Variants in ILDR1 observed in about 807,000 individuals in gnomAD.
The protein encoded by ILDR1 is immunoglobulin-like domain-containing receptor 1.
In ILDR1, 56 loss-of-function variants were observed where a neutral mutation model predicts 62.4. That is an observed-to-expected ratio of 0.90 (90% CI 0.72 to 1.12). The LOEUF (loss-of-function observed/expected upper bound fraction) is 1.12, where lower values mean the gene tolerates loss of function less well. Ranked by LOEUF, ILDR1 falls within the 50% of genes most tolerant of loss-of-function variation. ILDR1 has a pLI of 0.00. For synonymous variants in ILDR1, 284 were observed against 277.8 expected (o/e 1.02, Z -0.22); for missense variants, 736 against 710.6 (o/e 1.04, Z -0.41).
the ILDR1 span, among the ~76,000 whole-genome samples, chr3:122,045,087 A>G: frequency 1.3e-5 from 2 of 152,112 alleles, no homozygotes; most frequent in Non-Finnish European, 2.9e-5. Flanking sequence ...ACACTGCTTT[A>G]AATGCATCCC....
the ILDR1 span, among the ~76,000 whole-genome samples, chr3:122,038,975 A>G: frequency 0.082 from 12,548 of 152,188 alleles, 604 homozygotes; most frequent in South Asian, 0.13. Flanking sequence ...ATTGCCAATT[A>G]AAAAATAAAA....
In ILDR1 at chr3:121,988,060, A is replaced by C. The variant is rs1462286273; in HGVS notation, c.*307T>G. ...CTTGAGTAGCTGGGACTACAAGTGC[A>C]TGCCACCACACCTAACTAATTTTTA... On this transcript the variant is annotated 3_prime_UTR_variant, in exon 8 of 8. Transcript: ENST00000344209. 1 of 404,620 alleles carries C rather than the reference A, an allele frequency of 2.5e-6. No individual in the cohort carries two copies. Among genetic ancestry groups the C allele is most frequent in the African/African-American group, 2.1e-5 (1 of 48,566 alleles). The allele number at this position is 404,620 out of a possible 1,614,324, so 25.1% of individuals were successfully genotyped here.
At chr3:122,001,580 C>G in intron 4 of ILDR1, 126 bp from the exon 5 acceptor site, 1 of 1,475,158 alleles carries the variant, frequency 6.8e-7, no homozygotes. Flanking sequence ...GAGCAATATA[C>G]TGGCAAAAAG....
chr3:122,048,630 A>G, the ILDR1 span, among the ~76,000 whole-genome samples: 1 of 152,118 alleles, frequency 6.6e-6, no homozygotes, highest in Non-Finnish European at 1.5e-5. Context: ...CAGATTATCT[A>G]TTTCTTTATG....
chr3:122,030,619 GTT>G, the ILDR1 span, among the ~76,000 whole-genome samples: 6 of 131,978 alleles, frequency 4.5e-5, no homozygotes, highest in Non-Finnish European at 6.5e-5. Flanking sequence ...AGAGGCAAGG[GTT>G]TTTCTCTCTC....
the ILDR1 span, chr3:122,055,299 G>T: frequency 3.4e-6 from 2 of 582,348 alleles, no homozygotes; most frequent in Non-Finnish European, 3.1e-6. Flanking sequence ...CTCAAGTGTG[G>T]TCAAAATCTG....
At chr3:122,000,496 A>G (rs1349243493) in intron 5 of ILDR1, among the ~76,000 whole-genome samples, 1 of 152,128 alleles carries the variant, frequency 6.6e-6, no homozygotes, top group Non-Finnish European at 1.5e-5. Flanking sequence ...GCTCCCACAT[A>G]CCTTGCTCTA....
At chr3:122,029,458 G>T in the ILDR1 span, among the ~76,000 whole-genome samples, 2 of 150,778 alleles carry the variant, frequency 1.3e-5, no homozygotes, top group Admixed American at 6.6e-5. Flanking sequence ...AGTGAGCCGA[G>T]ATCCAGCCAC....
intron 1 of ILDR1, among the ~76,000 whole-genome samples, chr3:122,016,030 C>T (rs2107676477): frequency 6.6e-6 from 1 of 152,336 alleles, no homozygotes; most frequent in East Asian, 1.9e-4. Flanking sequence ...CCTACCATGA[C>T]CCATGCAGCC....
intron 5 of ILDR1, among the ~76,000 whole-genome samples, chr3:121,995,765 C>A (rs1216262729): frequency 6.6e-6 from 1 of 152,170 alleles, no homozygotes; most frequent in Non-Finnish European, 1.5e-5. Flanking sequence ...AATGCCCAGC[C>A]TTATACATGT....
the ILDR1 span, among the ~76,000 whole-genome samples, chr3:122,039,279 CA>C: frequency 6.6e-6 from 1 of 151,866 alleles, no homozygotes. Context: ...GTATAAATAC[CA>C]AAAACCAAAA....
At chr3:122,013,641 C>T (rs1337920994) in intron 1 of ILDR1, among the ~76,000 whole-genome samples, 4 of 151,740 alleles carry the variant, frequency 2.6e-5, no homozygotes, top group Non-Finnish European at 5.9e-5. Flanking sequence ...TAGCTATGAA[C>T]AAGAAGGAGC....
the ILDR1 span, among the ~76,000 whole-genome samples, chr3:122,052,636 C>T: frequency 1.3e-5 from 2 of 152,176 alleles, no homozygotes; most frequent in Non-Finnish European, 2.9e-5. Flanking sequence ...TGCAATGGCG[C>T]AATCTCGGCT....
At chr3:122,009,854 T>C (rs753356880) in intron 1 of ILDR1, among the ~76,000 whole-genome samples, 35 of 152,316 alleles carry the variant, frequency 2.3e-4, no homozygotes, top group Middle Eastern at 3.4e-3. Flanking sequence ...TGCATCTGGG[T>C]TTCTCACATC....
rs79120893 is a variant in ILDR1, at chr3:122,001,258, G to A, written c.646+50C>T. On this transcript the variant is annotated intron_variant, in intron 5 of 7. Transcript: ENST00000344209. ...GGCACTTGAAGCTGATCTGCTTGAC[G>A]TCCTGGTCCCTAATCCACTCCATTC... is the stretch of plus-strand genomic sequence containing the variant. The A allele has an allele frequency of 1.0e-4, 161 of 1,607,088 alleles. No homozygotes were observed. In the African/African-American group the frequency reaches 1.0e-3, roughly 10 times the overall value.
rs2071273226 is a variant in ILDR1 at position 121,987,789 on chromosome 3, T to C, written c.*578A>G. 2 of 198,254 alleles carry C rather than the reference T, an allele frequency of 1.0e-5. No individual in the cohort carries two copies. Among genetic ancestry groups the C allele is most frequent in the Admixed American group, 1.1e-4 (2 of 18,794 alleles). The allele number at this position is 198,254 out of a possible 1,614,324, so 12.3% of individuals were successfully genotyped here. A position where few individuals can be genotyped will look rare whatever the true frequency, so the allele number is the denominator to read the frequency against. ...CTCAGGCTACTAAGTTCCTGAGGGA[T>C]CACATTCCAGTCAGGGTCCATTACA... is the stretch of plus-strand genomic sequence containing the variant. On this transcript the variant is annotated 3_prime_UTR_variant, in exon 8 of 8. Transcript: ENST00000344209.
the ILDR1 span, among the ~76,000 whole-genome samples, chr3:122,054,501 A>G: frequency 6.6e-6 from 1 of 151,930 alleles, no homozygotes; most frequent in Non-Finnish European, 1.5e-5. Context: ...AATTCTGCAG[A>G]TATTGTTCTG....
chr3:122,017,874 A>G (rs570253176), intron 1 of ILDR1, among the ~76,000 whole-genome samples: 5 of 152,354 alleles, frequency 3.3e-5, no homozygotes, highest in Admixed American at 1.3e-4. Context: ...AATGGTGATC[A>G]TTAAAAGTCA....
At chr3:122,005,044 G>C (rs952329671) in intron 3 of ILDR1, among the ~76,000 whole-genome samples, 200 bp downstream of exon 3, 2 of 152,216 alleles carry the variant, frequency 1.3e-5, no homozygotes, top group Non-Finnish European at 2.9e-5. Flanking sequence ...CTCTGGTCCA[G>C]AGACCAACTT....
Sources: allele counts gnomAD v4.1 joint callset (sites outside exome capture counted in the v4.1 genomes callset), GRCh38; gene constraint gnomAD v4.1.1; transcripts MANE v1.5; gene names NCBI Gene and HGNC (gene_info 2026-07-23, HGNC 2026-07-21).